The following PLEKHA5 variants were observed in gnomAD, a reference collection of about 807,000 sequenced individuals.
The protein encoded by PLEKHA5 is pleckstrin homology domain-containing family A member 5.
PLEKHA5 carries 55 observed loss-of-function variants against 181.9 expected under a neutral mutation model. That is an observed-to-expected ratio of 0.30 (90% CI 0.24 to 0.38). The LOEUF (loss-of-function observed/expected upper bound fraction) is 0.38. PLEKHA5 is among the 10% of genes least tolerant of loss of function. The pLI is 1.00. For synonymous variants in PLEKHA5, 535 were observed against 529.4 expected, an observed-to-expected ratio of 1.01 and a Z score of -0.15; for missense variants, 1,432 against 1,549.5, an observed-to-expected ratio of 0.92 and a Z score of 1.27.
intron 7 of PLEKHA5, among the ~76,000 whole-genome samples, chr12:19,265,060 G>C (rs537195338): frequency 2.7e-3 from 404 of 152,234 alleles, no homozygotes; most frequent in African/African-American, 9.2e-3. Context: ...TCACACTATT[G>C]TATATCAGAA....
Position 19,265,733 on chromosome 12 carries a change from G to T in PLEKHA5, c.611-17G>T. On this transcript the variant is annotated splice_polypyrimidine_tract_variant and intron_variant, in intron 7 of 31. Transcript: ENST00000429027. ...AGAACATTTAAAATTCTAATCAGAT[G>T]TTAAATTATCTCTTAGATGAGAAAG... is the stretch of plus-strand genomic sequence containing the variant. 7.4e-7 allele frequency: 1 copy of T among 1,352,474 alleles called. No individual in the cohort carries two copies. Among genetic ancestry groups the T allele is most frequent in the Non-Finnish European group, 1.0e-6 (1 of 958,928 alleles). The allele number at this position is 1,352,474 out of a possible 1,614,324, so 83.8% of individuals were successfully genotyped here. A position where few individuals can be genotyped will look rare whatever the true frequency, so the allele number is the denominator to read the frequency against.
At chr12:19,161,257 G>A (rs897254607) in intron 3 of PLEKHA5, among the ~76,000 whole-genome samples, 3 of 152,062 alleles carry the variant, frequency 2.0e-5, no homozygotes, top group African/African-American at 7.2e-5. Flanking sequence ...AATGAAATGT[G>A]CCAATTGCCC....
At chr12:19,281,513 G>A (rs1054442178) in intron 11 of PLEKHA5, among the ~76,000 whole-genome samples, 2 of 151,752 alleles carry the variant, frequency 1.3e-5, no homozygotes, top group African/African-American at 4.8e-5. Flanking sequence ...AGAGGCGGAG[G>A]TTGCAGTGAG....
At chr12:19,251,739 C>CAAAAA (rs374276545) in intron 3 of PLEKHA5, among the ~76,000 whole-genome samples, 20 of 65,486 alleles carry the variant, frequency 3.1e-4, no homozygotes, top group Admixed American at 5.6e-4. Context: ...GAGGCCCATC[C>CAAAAA]AAAAAAAAAA....
chr12:19,270,583 C>T (rs1055654208), intron 10 of PLEKHA5, among the ~76,000 whole-genome samples: 1 of 151,986 alleles, frequency 6.6e-6, no homozygotes, highest in Non-Finnish European at 1.5e-5. Context: ...TTTTTCCCTG[C>T]TTGAAGATAC....
rs755408381 is a variant in PLEKHA5, at chr12:19,283,358, T to C, written c.1392T>C (p.Tyr464=). The C allele has an allele frequency of 5.6e-6, 9 of 1,613,842 alleles. No individual in the cohort carries two copies. The highest frequency in any genetic ancestry group is 7.6e-6 in the Non-Finnish European group (9 of 1,180,002). The change falls in exon 12 of 32, where the codon TAT becomes TAC. Residue 464 remains tyrosine (Y), a synonymous_variant. Coordinates refer to ENST00000429027, the MANE Select transcript of PLEKHA5 (RefSeq NM_001256470.2). The part of the protein sequence containing the change: ...AQIMARYPEG[Y]RTLPRNSKTR... ...TTATGGCCCGCTACCCTGAAGGTTA[T>C]AGAACACTCCCAAGAAACAGCAAGA...
At chr12:19,258,231 C>T (rs1034752843) in intron 6 of PLEKHA5, among the ~76,000 whole-genome samples, 14 of 152,104 alleles carry the variant, frequency 9.2e-5, no homozygotes, top group African/African-American at 3.1e-4. Context: ...GACATCATTT[C>T]GATTACATAG....
chr12:19,174,905 C>T (rs1046488782), intron 3 of PLEKHA5, among the ~76,000 whole-genome samples: 2 of 152,210 alleles, frequency 1.3e-5, no homozygotes, highest in Non-Finnish European at 2.9e-5. Context: ...AGGGAAACTA[C>T]AGCCAGTCTT....
At chr12:19,333,965 T>G (rs1592528113) in intron 20 of PLEKHA5, among the ~76,000 whole-genome samples, 1 of 152,316 alleles carries the variant, frequency 6.6e-6, no homozygotes, top group Middle Eastern at 3.4e-3. Flanking sequence ...TTGAAAGCAC[T>G]ATTTTGTGGC....
intron 3 of PLEKHA5, among the ~76,000 whole-genome samples, chr12:19,146,707 A>G (rs2039012423): frequency 6.6e-6 from 1 of 152,202 alleles, no homozygotes; most frequent in Non-Finnish European, 1.5e-5. Context: ...AGTTCAGAAC[A>G]TAATATACCT....
intron 11 of PLEKHA5, among the ~76,000 whole-genome samples, chr12:19,281,506 G>A (rs561805575): frequency 6.6e-6 from 1 of 152,024 alleles, no homozygotes; most frequent in African/African-American, 2.4e-5. Context: ...GAACCTGAGA[G>A]GCGGAGGTTG....
chr12:19,258,302 G>A (rs1446436265), intron 6 of PLEKHA5, among the ~76,000 whole-genome samples: 1 of 152,042 alleles, frequency 6.6e-6, no homozygotes, highest in East Asian at 1.9e-4. Context: ...GATAACTGAG[G>A]TGACATCCTC....
chr12:19,318,685 G>A (rs953933452), intron 16 of PLEKHA5, among the ~76,000 whole-genome samples: 1 of 152,160 alleles, frequency 6.6e-6, no homozygotes, highest in Non-Finnish European at 1.5e-5. Flanking sequence ...CACTTTGGGA[G>A]GCCAAGATGG....
chr12:19,253,295 G>T (rs554509565), intron 3 of PLEKHA5, among the ~76,000 whole-genome samples: 1 of 150,610 alleles, frequency 6.6e-6, no homozygotes, highest in African/African-American at 2.4e-5. Flanking sequence ...GGCTGGTCTT[G>T]AACGCCTGAC....
rs2074011784 is a variant in PLEKHA5 at position 19,274,564 on chromosome 12, C to T, written c.894C>T (p.Asn298=). The T allele has an allele frequency of 3.1e-6, 5 of 1,612,454 alleles. No individual in the cohort carries two copies. The highest frequency in any genetic ancestry group is 4.2e-6 in the Non-Finnish European group (5 of 1,179,282). Residue 298 remains asparagine, a synonymous_variant, in exon 11 of 32, where the codon AAC becomes AAT. Coordinates refer to ENST00000429027, the MANE Select transcript of PLEKHA5 (RefSeq NM_001256470.2). The stretch of plus-strand genomic sequence containing the variant: ...ATGCACCAACTAAAGAAACCAATAA[C>T]ATTCCCAACCATAGAGTGCTAATTA... ...SENAPTKETN[N]IPNHRVLIKP...
At chr12:19,225,046 T>A (rs540302725) in intron 3 of PLEKHA5, among the ~76,000 whole-genome samples, 2 of 152,226 alleles carry the variant, frequency 1.3e-5, no homozygotes, top group African/African-American at 4.8e-5. Flanking sequence ...ATCTCTTCTG[T>A]TAGCCACAAC....
intron 3 of PLEKHA5, among the ~76,000 whole-genome samples, chr12:19,204,759 A>C (rs930761438): frequency 7.2e-5 from 11 of 152,168 alleles, no homozygotes; most frequent in African/African-American, 2.7e-4. Context: ...ACATTTTAAT[A>C]AATACATTGA....
chr12:19,214,879 TA>T (rs34944576), intron 3 of PLEKHA5, among the ~76,000 whole-genome samples: 124,071 of 148,834 alleles, frequency 0.83, 52,819 homozygotes, highest in Non-Finnish European at 0.94. Context: ...TTTCTTTCCT[TA>T]AAAAAAAAAA....
At chr12:19,219,607 A>G (rs372601115) in intron 3 of PLEKHA5, among the ~76,000 whole-genome samples, 182 of 151,298 alleles carry the variant, frequency 1.2e-3, no homozygotes, top group Middle Eastern at 3.4e-3. Context: ...GTTACCTGTT[A>G]TTATTTTAAA....
Sources: allele counts gnomAD v4.1 joint callset (sites outside exome capture counted in the v4.1 genomes callset), GRCh38; gene constraint gnomAD v4.1.1; transcripts MANE v1.5; gene names NCBI Gene and HGNC (gene_info 2026-07-23, HGNC 2026-07-21).